NELL1: variants seen among roughly 807,000 people sequenced by gnomAD.
NELL1 encodes protein kinase C-binding protein NELL1.
In NELL1, 76 loss-of-function variants were observed where a neutral mutation model predicts 107.4. The ratio of observed to expected loss-of-function variants is 0.71; its 90% CI spans 0.59 to 0.86. The LOEUF (loss-of-function observed/expected upper bound fraction) is 0.86, where lower values mean the gene tolerates loss of function less well. Ranked by LOEUF, NELL1 falls within the 40% of genes least tolerant of loss-of-function variation. NELL1 has a pLI of 0.00. For synonymous variants in NELL1, 353 were observed against 341.2 expected (o/e 1.03, Z -0.38); for missense variants, 1,024 against 1,005.5 (o/e 1.02, Z -0.25).
intron 13 of NELL1, among the ~76,000 whole-genome samples, chr11:21,118,955 T>C (rs1855299576): frequency 6.6e-6 from 1 of 152,064 alleles, no homozygotes; most frequent in Non-Finnish European, 1.5e-5. Context: ...GATTAATTAA[T>C]TATTTTACTA....
chr11:20,894,241 G>T (rs945625227), intron 5 of NELL1, among the ~76,000 whole-genome samples: 2 of 152,184 alleles, frequency 1.3e-5, no homozygotes, highest in African/African-American at 4.8e-5. Context: ...TAAATAAGAT[G>T]TAAGAAATAA....
At chr11:21,295,265 A>C (rs545537534) in intron 14 of NELL1, among the ~76,000 whole-genome samples, 1 of 152,170 alleles carries the variant, frequency 6.6e-6, no homozygotes, top group South Asian at 2.1e-4. Context: ...ACTGGAGTAT[A>C]ACCATACTAC....
intron 14 of NELL1, among the ~76,000 whole-genome samples, chr11:21,265,127 T>C (rs1848610936): frequency 6.6e-6 from 1 of 152,018 alleles, no homozygotes; most frequent in Non-Finnish European, 1.5e-5. Flanking sequence ...CCTGTCATCT[T>C]TTCAAGAAAG....
At chr11:21,374,841 A>AAAC (rs1473801865) in intron 15 of NELL1, among the ~76,000 whole-genome samples, 2 of 151,742 alleles carry the variant, frequency 1.3e-5, no homozygotes, top group Non-Finnish European at 2.9e-5. Context: ...GAACAGCCAC[A>AAAC]AACTGGGATT....
chr11:21,521,473 G>A (rs1432281466), intron 15 of NELL1, among the ~76,000 whole-genome samples: 2 of 151,934 alleles, frequency 1.3e-5, no homozygotes, highest in African/African-American at 2.4e-5. Context: ...ACAGTGATTG[G>A]GTATAATGTT....
intron 14 of NELL1, among the ~76,000 whole-genome samples, chr11:21,247,661 G>T (rs931182692): frequency 6.6e-6 from 1 of 152,320 alleles, no homozygotes; most frequent in African/African-American, 2.4e-5. Context: ...TTTAAAATAT[G>T]TAAGTGGGAC....
At chr11:21,540,330 A>G (rs949965062) in intron 16 of NELL1, among the ~76,000 whole-genome samples, 5 of 151,784 alleles carry the variant, frequency 3.3e-5, no homozygotes, top group African/African-American at 1.2e-4. Context: ...TCTCTTTAAC[A>G]CTCATTCCCC....
At chr11:21,238,522 G>A (rs761062142) in intron 14 of NELL1, among the ~76,000 whole-genome samples, 14 of 152,140 alleles carry the variant, frequency 9.2e-5, no homozygotes, top group Admixed American at 7.9e-4. Flanking sequence ...ATAAATGAGA[G>A]GTCGTAGTGG....
Position 20,766,015 on chromosome 11 carries a change from A to G in NELL1, c.185-17665A>G, listed in dbSNP as rs180827174. Among the ~76,000 whole-genome samples the G allele has an allele frequency of 9.2e-5, 14 of 152,296 alleles. No homozygotes were observed. In the East Asian group the frequency reaches 2.3e-3, roughly 25 times the overall value. ...TTTTGTCTTAGAGGCAATTGGGGTC[A>G]TTGAAGGGTTTTGAACAAGGCAGTG... On this transcript the variant is annotated intron_variant, in intron 2 of 19. Transcript: ENST00000357134.
chr11:21,027,077 T>C (rs1191574576), intron 12 of NELL1, among the ~76,000 whole-genome samples: 2 of 152,098 alleles, frequency 1.3e-5, no homozygotes, highest in Non-Finnish European at 1.5e-5. Flanking sequence ...TATTTTCCTC[T>C]CACTGAGCAT....
At chr11:20,811,234 A>G (rs1039937087) in intron 3 of NELL1, among the ~76,000 whole-genome samples, 2 of 152,124 alleles carry the variant, frequency 1.3e-5, no homozygotes, top group African/African-American at 4.8e-5. Flanking sequence ...AGCATCATTT[A>G]TTGAAGAGAC....
At chr11:20,958,949 G>A (rs1373093935) in intron 11 of NELL1, among the ~76,000 whole-genome samples, 2 of 152,272 alleles carry the variant, frequency 1.3e-5, no homozygotes, top group East Asian at 3.9e-4. Context: ...TGCAATAAAT[G>A]AGTCACACAA....
chr11:21,400,951 G>A (rs1222997837), intron 15 of NELL1, among the ~76,000 whole-genome samples: 1 of 151,866 alleles, frequency 6.6e-6, no homozygotes. Context: ...GCCTGTGTCA[G>A]TTACACAGAA....
intron 16 of NELL1, among the ~76,000 whole-genome samples, chr11:21,553,071 C>A (rs1856628670): frequency 6.6e-6 from 1 of 151,842 alleles, no homozygotes; most frequent in South Asian, 2.1e-4. Flanking sequence ...CCTTTGACTT[C>A]TGTGTAAATT....
At chr11:21,440,756 C>T (rs1048205104) in intron 15 of NELL1, among the ~76,000 whole-genome samples, 1 of 152,074 alleles carries the variant, frequency 6.6e-6, no homozygotes, top group Non-Finnish European at 1.5e-5. Flanking sequence ...GCCACATAGT[C>T]AAGGAGAATG....
chr11:20,977,480 G>T (rs1486308765), intron 12 of NELL1, among the ~76,000 whole-genome samples: 1 of 152,002 alleles, frequency 6.6e-6, no homozygotes, highest in Non-Finnish European at 1.5e-5. Context: ...TAGCCAGGAT[G>T]GTCTCGATCT....
intron 3 of NELL1, among the ~76,000 whole-genome samples, chr11:20,791,120 G>A (rs1327593249): frequency 6.6e-6 from 1 of 152,188 alleles, no homozygotes; most frequent in African/African-American, 2.4e-5. Context: ...TAAGTCAGTT[G>A]AGATTTTGAT....
intron 15 of NELL1, among the ~76,000 whole-genome samples, chr11:21,375,564 A>T (rs1851454928): frequency 6.6e-6 from 1 of 152,138 alleles, no homozygotes. Context: ...TATTTTGGGT[A>T]TATATACAGT....
intron 2 of NELL1, among the ~76,000 whole-genome samples, chr11:20,719,698 A>G (rs1052468647): frequency 1.3e-5 from 2 of 152,218 alleles, no homozygotes; most frequent in Non-Finnish European, 2.9e-5. Context: ...AGAGGTTGGA[A>G]GCATGAGGAT....
Sources: allele counts gnomAD v4.1 joint callset (sites outside exome capture counted in the v4.1 genomes callset), GRCh38; gene constraint gnomAD v4.1.1; transcripts MANE v1.5; gene names NCBI Gene and HGNC (gene_info 2026-07-23, HGNC 2026-07-21).